The following AGAP3 variants were observed in gnomAD, a reference collection of about 807,000 sequenced individuals.
The protein encoded by AGAP3 is arf-GAP with GTPase, ANK repeat and PH domain-containing protein 3.
AGAP3 carries 24 observed loss-of-function variants against 96.9 expected under a neutral mutation model. That is an observed-to-expected ratio of 0.25 (90% CI 0.18 to 0.35). AGAP3 has a LOEUF of 0.35. Ranked by LOEUF, AGAP3 falls within the 10% of genes least tolerant of loss-of-function variation. The pLI is 1.00. For synonymous variants in AGAP3, 563 were observed against 536.1 expected, an observed-to-expected ratio of 1.05 and a Z score of -0.69; for missense variants, 876 against 1,254.2, an observed-to-expected ratio of 0.70 and a Z score of 4.55.
intron 3 of AGAP3, 80 bp downstream of exon 3, chr7:151,117,262 TC>T: frequency 6.4e-7 from 1 of 1,573,056 alleles, no homozygotes; most frequent in Non-Finnish European, 8.7e-7. Flanking sequence ...GTGGGGGGTC[TC>T]CAGCCCCCTT....
Position 151,120,040 on chromosome 7 carries a change from C to T in AGAP3, c.1023C>T (p.Ser341=). Residue 341 remains serine (S), a synonymous_variant, in exon 8 of 18, where the codon TCC becomes TCT. Coordinates refer to ENST00000397238, the MANE Select transcript of AGAP3 (RefSeq NM_031946.7). Reference sequence around the variant, plus strand: ...GCGACTACTCGTCCTCAGTCCCCTCCACCCCCAGCATCAGCCAGCGGGAGC... The same window carrying T: ...GCGACTACTCGTCCTCAGTCCCCTCTACCCCCAGCATCAGCCAGCGGGAGC... The part of the protein sequence containing the change: ...AFSDYSSSVP[S]TPSISQRELR... The T allele has an allele frequency of 6.2e-7, 1 of 1,614,016 alleles. No individual in the cohort carries two copies. Among genetic ancestry groups the T allele is most frequent in the Non-Finnish European group, 8.5e-7 (1 of 1,179,948 alleles).
At chr7:151,116,998 GGCCTTTCTCCCTCCTGCT>G in intron 2 of AGAP3, 79 bp from the exon 3 acceptor site, 1 of 1,480,232 alleles carries the variant, frequency 6.8e-7, no homozygotes, top group Non-Finnish European at 9.4e-7. Context: ...CTTCAGCCCT[GGCCTTTCTCCCTCCTGCT>G]GCTTCTTTGC....
At position 151,143,921 on chromosome 7, in the gene AGAP3, ACC is replaced by A. The variant is rs1339544001; in HGVS notation, c.2715_2716del (p.His905GlnfsTer2). The A allele has an allele frequency of 6.2e-7, 1 of 1,614,004 alleles. No individual in the cohort carries two copies. Among genetic ancestry groups the A allele is most frequent in the Non-Finnish European group, 8.5e-7 (1 of 1,180,004 alleles). Reference sequence around the variant, plus strand: ...GGCACCAACCCCTCTGCTGAGCTGCACCGTAGTCCTAGCCTCCTATAAGGCCC... The same window carrying A: ...GGCACCAACCCCTCTGCTGAGCTGCAGTAGTCCTAGCCTCCTATAAGGCCC... On this transcript the variant is annotated frameshift_variant, in exon 18 of 18. Coordinates refer to ENST00000397238, the MANE Select transcript of AGAP3 (RefSeq NM_031946.7). LOFTEE classifies it high-confidence loss of function. This position sits in a 1 kb window ranked among gnomAD's most constrained non-coding sequence, Gnocchi z 5.9.
intron 9 of AGAP3, 188 bp from the exon 10 acceptor site, chr7:151,128,392 G>T (rs918427392): frequency 1.9e-5 from 11 of 567,488 alleles, no homozygotes; most frequent in Non-Finnish European, 3.5e-5. Flanking sequence ...GGAGAGCCGA[G>T]TTCTGGGGAA....
At chr7:151,107,669 G>C (rs1799113565) in intron 1 of AGAP3, among the ~76,000 whole-genome samples, 1 of 152,120 alleles carries the variant, frequency 6.6e-6, no homozygotes, top group Admixed American at 6.6e-5. Flanking sequence ...AAAGGCAAGT[G>C]GAAGGGATGG....
rs1423469654 is a variant in AGAP3, at chr7:151,139,529, G to C, written c.1667-450G>C. On this transcript the variant is annotated intron_variant, in intron 12 of 17. Coordinates refer to ENST00000397238, the MANE Select transcript of AGAP3 (RefSeq NM_031946.7). This position sits in a 1 kb window ranked among gnomAD's most constrained non-coding sequence, Gnocchi z 4.9. Reference sequence around the variant, plus strand: ...ACATTTAGTGGTGAGCGCCGGGCGGGGTGTGGGAGACGGAGCTTGATTAGC... The same window carrying C: ...ACATTTAGTGGTGAGCGCCGGGCGGCGTGTGGGAGACGGAGCTTGATTAGC... The C allele has an allele frequency of 6.5e-6, 1 of 153,384 alleles. No individual in the cohort carries two copies. The highest frequency in any genetic ancestry group is 2.1e-4 in the South Asian group (1 of 4,860). The allele number at this position is 153,384 out of a possible 1,614,324, so 9.5% of individuals were successfully genotyped here. A position where few individuals can be genotyped will look rare whatever the true frequency, so the allele number is the denominator to read the frequency against.
Position 151,142,237 on chromosome 7 carries a change from C to G in AGAP3, c.2034C>G (p.Ile678Met), listed in dbSNP as rs555866168. The G allele has an allele frequency of 6.2e-7, 1 of 1,613,252 alleles. No homozygotes were observed. The highest frequency in any genetic ancestry group is 8.5e-7 in the Non-Finnish European group (1 of 1,179,980). Residue 678 changes from isoleucine to methionine, a missense_variant, in exon 15 of 18, where the codon ATC becomes ATG. Ile to Met is a conservative substitution (Grantham distance 10, BLOSUM62 1). Around this residue, in one of 8 missense-constraint regions of AGAP3, gnomAD observed 103 missense variants for 183.0 expected, o/e 0.56. Coordinates refer to ENST00000397238, the MANE Select transcript of AGAP3 (RefSeq NM_031946.7). This position sits in a 1 kb window ranked among gnomAD's most constrained non-coding sequence, Gnocchi z 7.5. ...VRTVRGNSFC[I>M]DCDAPNPDWA... ...CCGTCCGCGGCAACAGCTTTTGTAT[C>G]GACTGCGATGCACCCAGTGAGTGCA...
Position 151,114,817 on chromosome 7 carries a change from C to T in AGAP3, c.332-1976C>T. The stretch of plus-strand genomic sequence containing the variant: ...GGGGACAGCTGTCCCGGGGAGCGGC[C>T]CGCCGCTTGCCGCCGCGCCCACAGC... On this transcript the variant is annotated intron_variant, in intron 1 of 17. Transcript: ENST00000397238. The surrounding 1 kb of genome is among the most constrained non-coding windows in gnomAD (Gnocchi z 4.4). 14 of 1,055,954 alleles carry T rather than the reference C, an allele frequency of 1.3e-5. No homozygotes were observed. Among genetic ancestry groups the T allele is most frequent in the Non-Finnish European group, 1.5e-5 (13 of 876,808 alleles). The allele number at this position is 1,055,954 out of a possible 1,614,324, so 65.4% of individuals were successfully genotyped here. A position where few individuals can be genotyped will look rare whatever the true frequency, so the allele number is the denominator to read the frequency against.
Position 151,125,461 on chromosome 7 carries a change from C to T in AGAP3, c.1221+1575C>T, listed in dbSNP as rs550352880. 2.6e-5 allele frequency among the ~76,000 whole-genome samples: 4 copies of T among 152,346 alleles called. No homozygotes were observed. The East Asian group carries it at 7.7e-4, about 29-fold the overall frequency. On this transcript the variant is annotated intron_variant, in intron 9 of 17. Transcript: ENST00000397238. ...TGTTTTCACCCCTAAATCTCAGGGA[C>T]GCTCAGTAGGAAGGCCCTCTAGCTG... is the stretch of plus-strand genomic sequence containing the variant.
At chr7:151,115,147 G>C in intron 1 of AGAP3, 1 of 1,045,874 alleles carries the variant, frequency 9.6e-7, no homozygotes, top group Non-Finnish European at 1.2e-6. Context: ...CGGCCGGCCA[G>C]CATGACTTTC....
chr7:151,109,667 G>A (rs1358471776), intron 1 of AGAP3, among the ~76,000 whole-genome samples: 1 of 152,192 alleles, frequency 6.6e-6, no homozygotes, highest in Non-Finnish European at 1.5e-5. Context: ...GGTCCTGGGG[G>A]TTAGGACTCA....
chr7:151,134,661 C>T, intron 11 of AGAP3, 93 bp downstream of exon 11: 1 of 1,308,934 alleles, frequency 7.6e-7, no homozygotes, highest in Admixed American at 2.1e-5. Context: ...TCAGCCTGGG[C>T]ACAGGGTGCT....
chr7:151,137,797 G>A, intron 11 of AGAP3: 2 of 349,246 alleles, frequency 5.7e-6, no homozygotes, highest in Non-Finnish European at 1.0e-5. Flanking sequence ...AGGGGCCCAA[G>A]CCAGGAGGGG....
At chr7:151,134,655 C>T in intron 11 of AGAP3, 87 bp downstream of exon 11, 1 of 1,363,660 alleles carries the variant, frequency 7.3e-7, no homozygotes, top group Non-Finnish European at 1.0e-6. Flanking sequence ...TGCTTCTCAG[C>T]CTGGGCACAG....
chr7:151,102,074 A>G (rs1445354006), intron 1 of AGAP3, among the ~76,000 whole-genome samples: 1 of 152,180 alleles, frequency 6.6e-6, no homozygotes, highest in Non-Finnish European at 1.5e-5. Flanking sequence ...GGTGTCCTCG[A>G]GGTGCAGTCC....
Position 151,138,147 on chromosome 7 carries a change from C to G in AGAP3, c.1500C>G (p.Ala500=). ...TCTGACCCTTCCCGCCCCCAGGTGC[C>G]CCCCACTCGGCCAGCAGCGCATCCC... is the stretch of plus-strand genomic sequence containing the variant. The part of the protein sequence containing the change: ...SNTQLGGGTG[A]PHSASSASLH... The change falls in exon 12 of 18, where the codon GCC becomes GCG. Residue 500 remains alanine (A), a synonymous_variant. Coordinates refer to ENST00000397238, the MANE Select transcript of AGAP3 (RefSeq NM_031946.7). 1 of 1,595,900 alleles carries G rather than the reference C, an allele frequency of 6.3e-7. No individual in the cohort carries two copies. The highest frequency in any genetic ancestry group is 1.1e-5 in the South Asian group (1 of 88,364).
intron 9 of AGAP3, chr7:151,128,269 C>T (rs998450161): frequency 1.1e-5 from 4 of 357,948 alleles, no homozygotes; most frequent in African/African-American, 4.1e-5. Context: ...CATCTACACC[C>T]GACGGTCTAC....
In AGAP3 at chr7:151,111,836, TCA is replaced by T. The variant is rs572829379; in HGVS notation, c.332-4954_332-4953del. Among the ~76,000 whole-genome samples, 18 of 152,130 alleles carry T rather than the reference TCA, an allele frequency of 1.2e-4. 1 individual carries two copies. In the South Asian group the frequency reaches 3.5e-3, roughly 30 times the overall value. The stretch of plus-strand genomic sequence containing the variant: ...CATGGAGCCTCTCAGCCCCTGAGAG[TCA>T]CATTCAGTCCAGCGTTTCCGGTGGC... On this transcript the variant is annotated intron_variant, in intron 1 of 17. Transcript: ENST00000397238.
In AGAP3 at chr7:151,096,719, G is replaced by A. The variant is rs1047564824; in HGVS notation, c.331+9647G>A. On this transcript the variant is annotated intron_variant, in intron 1 of 17. Transcript: ENST00000397238. The surrounding 1 kb of genome is among the most constrained non-coding windows in gnomAD (Gnocchi z 4.4). ...GATCTCCTGACCTCGTGATCCACCCGCCTCAGCCTCCTAAAGTGCTGGGAT... is the reference window on the plus strand; with the variant it reads ...GATCTCCTGACCTCGTGATCCACCCACCTCAGCCTCCTAAAGTGCTGGGAT... Among the ~76,000 whole-genome samples, 13 of 151,954 alleles carry A rather than the reference G, an allele frequency of 8.6e-5. No homozygotes were observed. The highest frequency in any genetic ancestry group is 2.4e-4 in the African/African-American group (10 of 41,344).
Sources: allele counts gnomAD v4.1 joint callset (sites outside exome capture counted in the v4.1 genomes callset), GRCh38; gene constraint gnomAD v4.1.1; regional missense constraint gnomAD v4.1.1; non-coding constraint Gnocchi (gnomAD v3.1); transcripts MANE v1.5; gene names NCBI Gene and HGNC (gene_info 2026-07-23, HGNC 2026-07-21).